The following TMPRSS15 variants were observed in gnomAD, a reference collection of about 807,000 sequenced individuals.
TMPRSS15 encodes transmembrane serine protease 15, also known as enteropeptidase.
In TMPRSS15, 128 loss-of-function variants were observed where a neutral mutation model predicts 125.3. The observed-to-expected ratio is 1.02, with a 90% CI of 0.89 to 1.18. TMPRSS15 has a LOEUF of 1.18. TMPRSS15 is among the 50% of genes most tolerant of loss of function. TMPRSS15 has a pLI of 0.00. For synonymous variants in TMPRSS15, 446 were observed against 423.2 expected (o/e 1.05, Z -0.66); for missense variants, 1,283 against 1,212.7 (o/e 1.06, Z -0.86).
chr21:18,463,912 C>G (rs2122954221), intron 1 of TMPRSS15, among the ~76,000 whole-genome samples: 1 of 152,040 alleles, frequency 6.6e-6, no homozygotes, highest in African/African-American at 2.4e-5. Flanking sequence ...TGGTGGCTCA[C>G]GGCTGTAATC....
intron 3 of TMPRSS15, among the ~76,000 whole-genome samples, chr21:18,390,855 G>A (rs771631304): frequency 6.6e-6 from 1 of 152,130 alleles, no homozygotes; most frequent in African/African-American, 2.4e-5. Context: ...AAGTTTAATT[G>A]GCTTACAGTT....
At chr21:18,452,316 T>G (rs1041441500) in intron 1 of TMPRSS15, among the ~76,000 whole-genome samples, 1 of 152,162 alleles carries the variant, frequency 6.6e-6, no homozygotes, top group Non-Finnish European at 1.5e-5. Flanking sequence ...ATTTTTTACT[T>G]ATAACTCAAT....
chr21:18,353,910 C>A (rs1824738438), intron 8 of TMPRSS15, 47 bp from the exon 9 acceptor site: 4 of 1,556,842 alleles, frequency 2.6e-6, no homozygotes, highest in South Asian at 1.1e-5. Flanking sequence ...TCTATCTGTT[C>A]ATCTCTCTAT....
intron 18 of TMPRSS15, among the ~76,000 whole-genome samples, chr21:18,299,254 T>C (rs1465861511): frequency 6.6e-6 from 1 of 152,192 alleles, no homozygotes; most frequent in Non-Finnish European, 1.5e-5. Flanking sequence ...GGTGTGAAGA[T>C]GTCAAAGGGT....
chr21:18,288,886 T>C (rs973690919), intron 21 of TMPRSS15, among the ~76,000 whole-genome samples: 5 of 152,118 alleles, frequency 3.3e-5, no homozygotes, highest in Admixed American at 6.6e-5. Context: ...AAAATGATAT[T>C]ATAGTATTTC....
At chr21:18,461,307 T>G (rs1978546833) in intron 1 of TMPRSS15, among the ~76,000 whole-genome samples, 1 of 152,154 alleles carries the variant, frequency 6.6e-6, no homozygotes, top group South Asian at 2.1e-4. Flanking sequence ...ACCCTTAATT[T>G]TAGTCACTTG....
In TMPRSS15 at chr21:18,284,816, C is replaced by T. The variant is rs182342899; in HGVS notation, c.2487-3595G>A. Among the ~76,000 whole-genome samples, 15 of 152,214 alleles carry T rather than the reference C, an allele frequency of 9.9e-5. 1 individual carries two copies. In the East Asian group the frequency reaches 2.9e-3, roughly 30 times the overall value. ...AGGAGTTCGAGACCGTCCTGGCCAA[C>T]ATGGTGAAACCCCGTCTCTACTAAA... On this transcript the variant is annotated intron_variant, in intron 21 of 24. Transcript: ENST00000284885.
intron 6 of TMPRSS15, among the ~76,000 whole-genome samples, chr21:18,365,649 C>T (rs13049006): frequency 0.073 from 4,835 of 65,796 alleles, 593 homozygotes; most frequent in Middle Eastern, 0.17. Context: ...TCTTTTTCCT[C>T]CCTTCCTTCC....
intron 16 of TMPRSS15, among the ~76,000 whole-genome samples, chr21:18,320,539 A>G (rs574418261): frequency 6.6e-6 from 1 of 152,338 alleles, no homozygotes; most frequent in East Asian, 1.9e-4. Context: ...TAAAATTTAA[A>G]TGATAACATA....
At chr21:18,394,576 A>C (rs1336587619) in intron 3 of TMPRSS15, among the ~76,000 whole-genome samples, 1 of 151,712 alleles carries the variant, frequency 6.6e-6, no homozygotes, top group Non-Finnish European at 1.5e-5. Flanking sequence ...TCTCTCACAT[A>C]CACACAAACA....
intron 6 of TMPRSS15, among the ~76,000 whole-genome samples, chr21:18,365,743 CTTTT>C (rs36165986): frequency 1.2e-5 from 1 of 83,842 alleles, no homozygotes; most frequent in Non-Finnish European, 2.3e-5. Flanking sequence ...CTCTTTTTTC[CTTTT>C]TTTTTTTTTT....
chr21:18,330,495 G>T (rs1051853316), intron 14 of TMPRSS15, among the ~76,000 whole-genome samples: 1 of 152,022 alleles, frequency 6.6e-6, no homozygotes, highest in East Asian at 1.9e-4. Context: ...AGAAACAGTT[G>T]TCTCCTACTT....
At chr21:18,482,312 A>G (rs1978995852) in intron 1 of TMPRSS15, among the ~76,000 whole-genome samples, 1 of 151,560 alleles carries the variant, frequency 6.6e-6, no homozygotes, top group South Asian at 2.1e-4. Context: ...TAAAAATAGT[A>G]TCTTAAAATA....
chr21:18,465,564 C>G (rs558985103), intron 1 of TMPRSS15, among the ~76,000 whole-genome samples: 2 of 152,176 alleles, frequency 1.3e-5, no homozygotes, highest in Non-Finnish European at 2.9e-5. Context: ...TCAGCAAAGT[C>G]TCAGGATACA....
At chr21:18,298,776 C>A (rs1325652493) in intron 18 of TMPRSS15, among the ~76,000 whole-genome samples, 1 of 152,098 alleles carries the variant, frequency 6.6e-6, no homozygotes, top group Non-Finnish European at 1.5e-5. Flanking sequence ...GATGGACCCA[C>A]CCATTGCCTC....
At chr21:18,314,788 C>T (rs757968489) in intron 17 of TMPRSS15, among the ~76,000 whole-genome samples, 1 of 152,060 alleles carries the variant, frequency 6.6e-6, no homozygotes, top group Admixed American at 6.6e-5. Context: ...CACACAGGTG[C>T]CTCTGAATGT....
At chr21:18,288,558 T>C (rs10222066) in intron 21 of TMPRSS15, among the ~76,000 whole-genome samples, 95,328 of 118,774 alleles carry the variant, frequency 0.8, 38,175 homozygotes, top group African/African-American at 0.83. Context: ...TTTTTTGAGA[T>C]GGAGTGTTGT....
chr21:18,393,609 C>T (rs1460971348), intron 3 of TMPRSS15, among the ~76,000 whole-genome samples: 1 of 152,142 alleles, frequency 6.6e-6, no homozygotes, highest in African/African-American at 2.4e-5. Flanking sequence ...ATCACACAAA[C>T]TGTATATACA....
At chr21:18,344,568 C>T (rs1351668141) in intron 10 of TMPRSS15, among the ~76,000 whole-genome samples, 1 of 152,170 alleles carries the variant, frequency 6.6e-6, no homozygotes, top group Non-Finnish European at 1.5e-5. Flanking sequence ...TTAAAACAGT[C>T]TTATCTTTCT....
Sources: allele counts gnomAD v4.1 joint callset (sites outside exome capture counted in the v4.1 genomes callset), GRCh38; gene constraint gnomAD v4.1.1; transcripts MANE v1.5; gene names NCBI Gene and HGNC (gene_info 2026-07-23, HGNC 2026-07-21).